Variants in CFAP97 observed in about 807,000 individuals in gnomAD.
CFAP97 encodes the protein cilia- and flagella-associated protein 97.
CFAP97 carries 36 observed loss-of-function variants against 43.1 expected under a neutral mutation model. The observed-to-expected ratio is 0.84, with a 90% CI of 0.64 to 1.10. The LOEUF is 1.10. Among genes scored for constraint, CFAP97 ranks in the 50% least tolerant of loss-of-function variants. CFAP97 has a pLI of 0.00. For missense variants in CFAP97, 657 were observed against 620.3 expected (o/e 1.06, Z -0.63); for synonymous variants, 228 against 225.7 (o/e 1.01, Z -0.09).
intron 2 of CFAP97, among the ~76,000 whole-genome samples, chr4:185,189,573 C>T (rs973423546): frequency 6.6e-6 from 1 of 152,088 alleles, no homozygotes; most frequent in Non-Finnish European, 1.5e-5. Context: ...AGAAACAAAG[C>T]AAAAAGACTA....
chr4:185,199,365 C>T (rs1203284573), intron 1 of CFAP97, among the ~76,000 whole-genome samples: 5 of 149,432 alleles, frequency 3.3e-5, no homozygotes, highest in African/African-American at 1.2e-4. Context: ...AGCAAGACTC[C>T]GTCTCAAAAA....
upstream of CFAP97, among the ~76,000 whole-genome samples, chr4:185,204,619 T>A (rs1443779234): frequency 6.6e-6 from 1 of 152,204 alleles, no homozygotes; most frequent in African/African-American, 2.4e-5. Flanking sequence ...TGTCACCTTA[T>A]GTGGCAGACA....
chr4:185,209,160 G>T lies in CFAP97; in HGVS notation c.-74+165C>A, dbSNP rs1314309808. Reference sequence around the variant, plus strand: ...CGTGTCTGATTCCTTCCCTAAGGCGGCAGGGTGGGAAAGGGAAGGTCGTTA... The same window carrying T: ...CGTGTCTGATTCCTTCCCTAAGGCGTCAGGGTGGGAAAGGGAAGGTCGTTA... On this transcript the variant is annotated intron_variant, in intron 1 of 2. Transcript: ENST00000503223. The surrounding 1 kb of genome is among the most constrained non-coding windows in gnomAD (Gnocchi z 5.2). 6.6e-6 allele frequency among the ~76,000 whole-genome samples: 1 copy of T among 152,184 alleles called. No homozygotes were observed.
At chr4:185,201,578 CATT>C (rs1347033725) in intron 1 of CFAP97, among the ~76,000 whole-genome samples, 1 of 152,166 alleles carries the variant, frequency 6.6e-6, no homozygotes, top group African/African-American at 2.4e-5. Flanking sequence ...TGATTGACAG[CATT>C]TTTTAGCCAT....
chr4:185,189,437 C>G (rs954556929), intron 2 of CFAP97, among the ~76,000 whole-genome samples: 1 of 152,068 alleles, frequency 6.6e-6, no homozygotes, highest in Non-Finnish European at 1.5e-5. Context: ...TTATCATCAA[C>G]GGACCTAAAA....
Position 185,178,190 on chromosome 4 carries a change from C to T in CFAP97, c.1055-2139G>A, listed in dbSNP as rs141198689. 3.3e-3 allele frequency among the ~76,000 whole-genome samples: 487 copies of T among 146,310 alleles called. 1 individual carries two copies. The highest frequency in any genetic ancestry group is 5.3e-3 in the Non-Finnish European group (354 of 66,620). ...TCTAGATTATAAGCCCTTTAAAATT[C>T]AATTCTAAAGGAAATTAATAGTAAG... On this transcript the variant is annotated intron_variant, in intron 2 of 4. Coordinates refer to ENST00000458385, the MANE Select transcript of CFAP97 (RefSeq NM_020827.3).
chr4:185,188,163 G>A (rs1388904836), intron 2 of CFAP97, among the ~76,000 whole-genome samples: 1 of 152,030 alleles, frequency 6.6e-6, no homozygotes, highest in African/African-American at 2.4e-5. Flanking sequence ...CCAAAGTGCT[G>A]GGACTACAGG....
At chr4:185,203,311 T>C (rs541423360) in intron 1 of CFAP97, among the ~76,000 whole-genome samples, 3 of 152,364 alleles carry the variant, frequency 2.0e-5, no homozygotes, top group Admixed American at 6.5e-5. Flanking sequence ...ACAAGACTAA[T>C]GCTTTCACCA....
chr4:185,176,062 GA>G lies in CFAP97; in HGVS notation c.1055-12del. The G allele has an allele frequency of 8.6e-7, 1 of 1,161,084 alleles. No homozygotes were observed. Among genetic ancestry groups the G allele is most frequent in the South Asian group, 1.9e-5 (1 of 54,024 alleles). The allele number at this position is 1,161,084 out of a possible 1,614,324, so 71.9% of individuals were successfully genotyped here. ...CTAATTGCAGAAAAGCTACAGAAAA[GA>G]ACAAAAAAAAAAGAGAAAATGGCCA... On this transcript the variant is annotated splice_polypyrimidine_tract_variant and intron_variant, in intron 2 of 4. Transcript: ENST00000458385.
At chr4:185,201,859 C>G (rs1294005670) in intron 1 of CFAP97, among the ~76,000 whole-genome samples, 1 of 152,202 alleles carries the variant, frequency 6.6e-6, no homozygotes, top group African/African-American at 2.4e-5. Flanking sequence ...CATGTCGTAT[C>G]TCCACAGTTT....
At position 185,189,512 on chromosome 4, in the gene CFAP97, A is replaced by G. The variant is rs189971404; in HGVS notation, c.1054+631T>C. Among the ~76,000 whole-genome samples the G allele has an allele frequency of 3.9e-5, 6 of 152,360 alleles. No individual in the cohort carries two copies. The East Asian group carries it at 1.2e-3, about 29-fold the overall frequency. Reference sequence around the variant, plus strand: ...TAAACTTTGAAGTTGCTTTTATTTGAACTGGAAAATTGTTACTTTCAAACT... The same window carrying G: ...TAAACTTTGAAGTTGCTTTTATTTGGACTGGAAAATTGTTACTTTCAAACT... On this transcript the variant is annotated intron_variant, in intron 2 of 4. Transcript: ENST00000458385.
In CFAP97 at chr4:185,200,039, C is replaced by T. The variant is rs367696472; in HGVS notation, c.-17+3859G>A. 1.1e-3 allele frequency among the ~76,000 whole-genome samples: 170 copies of T among 152,314 alleles called. 2 individuals are homozygous for T. The highest frequency in any genetic ancestry group is 3.8e-3 in the African/African-American group (158 of 41,560). On this transcript the variant is annotated intron_variant, in intron 1 of 4. Coordinates refer to ENST00000458385, the MANE Select transcript of CFAP97 (RefSeq NM_020827.3). The stretch of plus-strand genomic sequence containing the variant: ...TTGTCACAGATAATAATTCCTCTGA[C>T]GGATCTGAGCAAAATAAATTGAAAA...
At chr4:185,187,282 G>A (rs537951562) in intron 2 of CFAP97, among the ~76,000 whole-genome samples, 3 of 152,258 alleles carry the variant, frequency 2.0e-5, no homozygotes, top group African/African-American at 7.2e-5. Context: ...GCACAGCTGT[G>A]CAACAGAAGC....
At position 185,164,171 on chromosome 4, in the gene CFAP97, CA is replaced by C; in HGVS notation, c.1328del (p.Leu443Ter). ...TTGGTTTCACGGCCTCAAGCCTTTT[CA>C]ATAAAGCCTTCAATAAAGACAATTA... is the stretch of plus-strand genomic sequence containing the variant. The part of the protein sequence containing the change: ...QRIERENLAL[L>X]KRLEAVKPTV... On this transcript the variant is annotated frameshift_variant, in exon 4 of 5. Transcript: ENST00000458385. LOFTEE classifies it high-confidence loss of function. 6.2e-7 allele frequency: 1 copy of C among 1,613,386 alleles called. No homozygotes were observed. The highest frequency in any genetic ancestry group is 8.5e-7 in the Non-Finnish European group (1 of 1,179,668).
At chr4:185,208,839 TTAAG>T (rs1390312347), upstream of CFAP97, among the ~76,000 whole-genome samples, 1 of 152,260 alleles carries the variant, frequency 6.6e-6, no homozygotes, top group Non-Finnish European at 1.5e-5. Context: ...TTGCCAGTGT[TTAAG>T]TAGCATATTG....
intron 1 of CFAP97, among the ~76,000 whole-genome samples, chr4:185,203,213 T>TA (rs1394521526): frequency 6.6e-6 from 1 of 151,566 alleles, no homozygotes; most frequent in African/African-American, 2.4e-5. Flanking sequence ...AAAATAAAAA[T>TA]AAAAAAAAGA....
chr4:185,177,257 C>CA (rs1336452130), intron 2 of CFAP97, among the ~76,000 whole-genome samples: 3 of 151,664 alleles, frequency 2.0e-5, no homozygotes, highest in Non-Finnish European at 2.9e-5. Flanking sequence ...TACTAAAATA[C>CA]AAAAAATTGG....
In CFAP97 at chr4:185,175,380, C is replaced by T. The variant is rs776100419; in HGVS notation, c.1320+406G>A. Among the ~76,000 whole-genome samples the T allele has an allele frequency of 7.1e-4, 108 of 152,196 alleles. 1 individual carries two copies. Among genetic ancestry groups the T allele is most frequent in the Non-Finnish European group, 1.4e-3 (98 of 68,010 alleles). On this transcript the variant is annotated intron_variant, in intron 3 of 4. Coordinates refer to ENST00000458385, the MANE Select transcript of CFAP97 (RefSeq NM_020827.3). Reference sequence around the variant, plus strand: ...CTCCCGGGTTCAGATGCTCCTCCCACCTCAGCTTTCCAAGTATCTGGGACC... The same window carrying T: ...CTCCCGGGTTCAGATGCTCCTCCCATCTCAGCTTTCCAAGTATCTGGGACC...
At chr4:185,202,660 G>C (rs930802308) in intron 1 of CFAP97, among the ~76,000 whole-genome samples, 4 of 151,908 alleles carry the variant, frequency 2.6e-5, no homozygotes, top group African/African-American at 9.7e-5. Context: ...GCCTTTATCT[G>C]CATTTCCATG....
Sources: gnomAD v4.1 joint callset for allele counts (sites outside exome capture counted in the v4.1 genomes callset) on GRCh38, gnomAD v4.1.1 for gene constraint, Gnocchi (gnomAD v3.1) non-coding constraint, MANE v1.5 for transcripts, NCBI Gene and HGNC (gene_info 2026-07-23, HGNC 2026-07-21) for gene names.